HCN1: variants seen among roughly 807,000 people sequenced by gnomAD.
HCN1 encodes potassium/sodium hyperpolarization-activated cyclic nucleotide-gated channel 1.
Under a neutral mutation model 78.9 loss-of-function variants are expected in HCN1, and 13 were observed. The observed-to-expected ratio is 0.16, with a 90% CI of 0.11 to 0.26. The LOEUF (loss-of-function observed/expected upper bound fraction) is 0.26. Ranked by LOEUF, HCN1 falls within the 10% of genes least tolerant of loss-of-function variation. The probability of loss-of-function intolerance (pLI) is 1.00; values close to 1 mark genes in which losing one functional copy is unlikely to be tolerated. For missense variants in HCN1, 810 were observed against 1,154.3 expected (o/e 0.70, Z 4.32); for synonymous variants, 552 against 455.5 (o/e 1.21, Z -2.70).
rs144689494 is a variant in HCN1, at chr5:45,526,421, G to A, written c.850-64414C>T. ...TTCCAGTTTCAGCCACTGGCCTTCG[G>A]CCTTCATGCACTTTTCATCCTGATA... On this transcript the variant is annotated intron_variant, in intron 2 of 7. Transcript: ENST00000303230. 3.3e-5 allele frequency among the ~76,000 whole-genome samples: 5 copies of A among 152,086 alleles called. No homozygotes were observed. In the East Asian group the frequency reaches 9.8e-4, roughly 30 times the overall value.
intron 1 of HCN1, among the ~76,000 whole-genome samples, chr5:45,658,887 G>T (rs1347619384): frequency 1.3e-5 from 2 of 148,214 alleles, no homozygotes; most frequent in African/African-American, 4.9e-5. Flanking sequence ...AGGGGCGCCC[G>T]CCATTGCCCA....
intron 5 of HCN1, among the ~76,000 whole-genome samples, chr5:45,350,630 T>C (rs1457084996): frequency 9.3e-5 from 14 of 150,970 alleles, no homozygotes; most frequent in Non-Finnish European, 1.6e-4. Context: ...AAAACCCCAT[T>C]GTCTCAGCCC....
chr5:45,448,989 C>T (rs1477605855), intron 3 of HCN1, among the ~76,000 whole-genome samples: 3 of 152,108 alleles, frequency 2.0e-5, no homozygotes, highest in Admixed American at 1.3e-4. Context: ...TGGCCCGTGC[C>T]TGTAGTCCCA....
At chr5:45,501,332 T>C (rs1742180849) in intron 2 of HCN1, among the ~76,000 whole-genome samples, 1 of 152,190 alleles carries the variant, frequency 6.6e-6, no homozygotes, top group South Asian at 2.1e-4. Context: ...AATAGCTAAT[T>C]TAATGCTATC....
At chr5:45,486,089 A>T (rs771790900) in intron 2 of HCN1, among the ~76,000 whole-genome samples, 1 of 152,182 alleles carries the variant, frequency 6.6e-6, no homozygotes, top group Non-Finnish European at 1.5e-5. Context: ...TAAGGTTCAC[A>T]TCCATGCAGT....
intron 3 of HCN1, among the ~76,000 whole-genome samples, chr5:45,450,461 A>G (rs1740893979): frequency 6.6e-6 from 1 of 152,200 alleles, no homozygotes; most frequent in Admixed American, 6.5e-5. Context: ...TTCCTAATTC[A>G]TAATTTATTC....
intron 2 of HCN1, among the ~76,000 whole-genome samples, chr5:45,635,242 T>A (rs569271554): frequency 6.6e-6 from 1 of 152,126 alleles, no homozygotes; most frequent in Non-Finnish European, 1.5e-5. Context: ...ATCATTCACA[T>A]TTTTTAAAAA....
intron 2 of HCN1, among the ~76,000 whole-genome samples, chr5:45,633,761 G>T (rs1399617044): frequency 1.3e-5 from 2 of 151,984 alleles, no homozygotes; most frequent in Admixed American, 6.6e-5. Flanking sequence ...ATTTCGTATA[G>T]CTAGTATATA....
chr5:45,431,810 G>A (rs1041424807), intron 3 of HCN1, among the ~76,000 whole-genome samples: 10 of 151,834 alleles, frequency 6.6e-5, no homozygotes, highest in South Asian at 2.1e-4. Flanking sequence ...TTTTTGTAGC[G>A]CCACCATACT....
chr5:45,393,759 G>T (rs1739630910), intron 4 of HCN1, among the ~76,000 whole-genome samples: 2 of 152,276 alleles, frequency 1.3e-5, no homozygotes, highest in South Asian at 2.1e-4. Flanking sequence ...ATGAGATAAA[G>T]AATGGTCTAA....
intron 2 of HCN1, among the ~76,000 whole-genome samples, chr5:45,615,092 C>T (rs919712012): frequency 5.9e-5 from 9 of 151,844 alleles, no homozygotes; most frequent in African/African-American, 1.9e-4. Flanking sequence ...CAAAACAAAA[C>T]ATCATTTCCT....
At chr5:45,604,445 C>T (rs897672755) in intron 2 of HCN1, among the ~76,000 whole-genome samples, 3 of 151,692 alleles carry the variant, frequency 2.0e-5, no homozygotes, top group Non-Finnish European at 2.9e-5. Flanking sequence ...TTTTGACACA[C>T]TAAAAAGGTC....
intron 5 of HCN1, among the ~76,000 whole-genome samples, chr5:45,334,283 T>C (rs1248556380): frequency 1.1e-4 from 17 of 151,820 alleles, no homozygotes; most frequent in Non-Finnish European, 2.5e-4. Context: ...AATACAGGCA[T>C]GTTTTCTGTC....
chr5:45,264,522 T>A (rs1744814365), intron 7 of HCN1, among the ~76,000 whole-genome samples: 2 of 152,220 alleles, frequency 1.3e-5, no homozygotes, highest in Admixed American at 6.5e-5. Flanking sequence ...TTTCATTGAC[T>A]GCTAGGAATG....
In HCN1 at chr5:45,445,169, G is replaced by A. The variant is rs553445070; in HGVS notation, c.1011+16677C>T. 3.3e-5 allele frequency among the ~76,000 whole-genome samples: 5 copies of A among 152,286 alleles called. No homozygotes were observed. The South Asian group carries it at 1.0e-3, about 32-fold the overall frequency. On this transcript the variant is annotated intron_variant, in intron 3 of 7. Transcript: ENST00000303230. Reference sequence around the variant, plus strand: ...TGACAGATGGCACCTGGAAAATCGGGTCACTCCCACCCGAATACTGCACTT... The same window carrying A: ...TGACAGATGGCACCTGGAAAATCGGATCACTCCCACCCGAATACTGCACTT...
chr5:45,436,992 A>G (rs1740570991), intron 3 of HCN1, among the ~76,000 whole-genome samples: 1 of 152,206 alleles, frequency 6.6e-6, no homozygotes, highest in Non-Finnish European at 1.5e-5. Flanking sequence ...TATGCCCTGC[A>G]CAATACTCCC....
At chr5:45,481,723 C>A (rs1049500821) in intron 2 of HCN1, among the ~76,000 whole-genome samples, 1 of 152,116 alleles carries the variant, frequency 6.6e-6, no homozygotes. Context: ...TCGCTCCATA[C>A]CACATGCACC....
At chr5:45,346,012 AT>A (rs1388121242) in intron 5 of HCN1, among the ~76,000 whole-genome samples, 1 of 152,248 alleles carries the variant, frequency 6.6e-6, no homozygotes, top group African/African-American at 2.4e-5. Flanking sequence ...ACTTACAAGC[AT>A]GGCAGAAGGG....
At position 45,499,589 on chromosome 5, in the gene HCN1, C is replaced by G. The variant is rs1429270761; in HGVS notation, c.850-37582G>C. On this transcript the variant is annotated intron_variant, in intron 2 of 7. Transcript: ENST00000303230. Reference sequence around the variant, plus strand: ...TGGGAGCTGTAGACTGGAGCTGTTCCTTTTTGGCCATCTTGGCTCCTCCCC... The same window carrying G: ...TGGGAGCTGTAGACTGGAGCTGTTCGTTTTTGGCCATCTTGGCTCCTCCCC... 2.6e-5 allele frequency among the ~76,000 whole-genome samples: 4 copies of G among 152,152 alleles called. No homozygotes were observed. The East Asian group carries it at 7.7e-4, about 29-fold the overall frequency.
Sources: gnomAD v4.1 joint callset for allele counts (sites outside exome capture counted in the v4.1 genomes callset) on GRCh38, gnomAD v4.1.1 for gene constraint, MANE v1.5 for transcripts, NCBI Gene and HGNC (gene_info 2026-07-23, HGNC 2026-07-21) for gene names.